The following MKS1 variants were observed in gnomAD, a reference collection of about 807,000 sequenced individuals.
MKS1 encodes tectonic-like complex member MKS1.
A neutral mutation model predicts 83.7 loss-of-function variants in MKS1; 70 were observed. That is an observed-to-expected ratio of 0.84 (90% CI 0.69 to 1.02). The LOEUF (loss-of-function observed/expected upper bound fraction) is 1.02. MKS1 is among the 50% of genes least tolerant of loss of function. The probability of loss-of-function intolerance (pLI) is 0.00; values close to 1 mark genes in which losing one functional copy is unlikely to be tolerated. For missense variants in MKS1, 681 were observed against 726.9 expected (o/e 0.94, Z 0.73); for synonymous variants, 251 against 273.4 (o/e 0.92, Z 0.81).
At chr17:58,213,961 G>A in intron 6 of MKS1, 92 bp from the exon 7 acceptor site, 6 of 1,135,616 alleles carry the variant, frequency 5.3e-6, no homozygotes, top group South Asian at 1.3e-5. Flanking sequence ...GAGAACAGAG[G>A]CTATAGGGAG....
At chr17:58,215,272 A>G (rs1969123120) in intron 4 of MKS1, among the ~76,000 whole-genome samples, 1 of 152,140 alleles carries the variant, frequency 6.6e-6, no homozygotes, top group African/African-American at 2.4e-5. Flanking sequence ...TATTTAATTT[A>G]TATATTTTTT....
At position 58,206,303 on chromosome 17, in the gene MKS1, C is replaced by T; in HGVS notation, c.1568G>A (p.Ser523Asn). The change falls in exon 17 of 18, where the codon AGT (serine) becomes AAT (asparagine). Residue 523 changes from serine to asparagine, a missense_variant. Ser to Asn is a conservative substitution (Grantham distance 46). This residue lies in a region of MKS1 where 310 missense variants were observed against 321.7 expected (regional missense o/e 0.96). Coordinates refer to ENST00000393119, the MANE Select transcript of MKS1 (RefSeq NM_017777.4). Reference protein sequence around the residue: ...LDRLEGFSQQSSIHNVLEAFR... With the variant: ...LDRLEGFSQQNSIHNVLEAFR... ...CATACCTAGCACATTGTGAATGGAACTCTGCTGGCTGAACCCTTCCAGACG... is the reference window on the plus strand; with the variant it reads ...CATACCTAGCACATTGTGAATGGAATTCTGCTGGCTGAACCCTTCCAGACG... 6.2e-7 allele frequency: 1 copy of T among 1,614,150 alleles called. No individual in the cohort carries two copies. Among genetic ancestry groups the T allele is most frequent in the Non-Finnish European group, 8.5e-7 (1 of 1,180,034 alleles).
intron 3 of MKS1, 65 bp from the exon 4 acceptor site, chr17:58,216,308 T>C (rs1288227012): frequency 1.3e-6 from 2 of 1,528,646 alleles, no homozygotes; most frequent in Non-Finnish European, 1.8e-6. Context: ...TTTGCTTCTG[T>C]AACTGTTTAA....
intron 17 of MKS1, 54 bp from the exon 18 acceptor site, chr17:58,206,224 C>G: frequency 1.9e-6 from 3 of 1,611,478 alleles, no homozygotes; most frequent in Non-Finnish European, 2.5e-6. Flanking sequence ...TCTCTCTGCA[C>G]TGCAGAGAGA....
Position 58,209,494 on chromosome 17 carries a change from G to T in MKS1, c.1025-911C>A, listed in dbSNP as rs376326073. Among the ~76,000 whole-genome samples the T allele has an allele frequency of 9.8e-5, 15 of 152,332 alleles. No homozygotes were observed. The highest frequency in any genetic ancestry group is 1.7e-4 in the African/African-American group (7 of 41,572). On this transcript the variant is annotated intron_variant, in intron 11 of 17. Coordinates refer to ENST00000393119, the MANE Select transcript of MKS1 (RefSeq NM_017777.4). The surrounding 1 kb of genome is among the most constrained non-coding windows in gnomAD (Gnocchi z 4.1). ...AACGGGGAAGGGACTGAGTGATTGG[G>T]AGGCTCATTTAGACTGGGTGGTAAG...
chr17:58,213,766 T>G lies in MKS1; in HGVS notation c.748A>C (p.Arg250=). The stretch of plus-strand genomic sequence containing the variant: ...CTACCCCTTTCTTCCTCTCCTCACC[T>G]GTAGGGTCCTTTGAGGCCCGTGAAG... The part of the protein sequence containing the change: ...PDFTGLKGPY[R]IETEGEKQEL... Residue 250 remains arginine, a splice_region_variant and synonymous_variant, in exon 7 of 18, where the codon AGG becomes CGG. Coordinates refer to ENST00000393119, the MANE Select transcript of MKS1 (RefSeq NM_017777.4). 1 of 1,611,160 alleles carries G rather than the reference T, an allele frequency of 6.2e-7. No individual in the cohort carries two copies. Among genetic ancestry groups the G allele is most frequent in the Non-Finnish European group, 8.5e-7 (1 of 1,177,302 alleles).
Position 58,218,610 on chromosome 17 carries a change from TAAC to T in MKS1, c.190+7_190+9del. 1 of 1,580,402 alleles carries T rather than the reference TAAC, an allele frequency of 6.3e-7. No homozygotes were observed. The highest frequency in any genetic ancestry group is 8.7e-7 in the Non-Finnish European group (1 of 1,149,528). On this transcript the variant is annotated splice_region_variant and intron_variant, in intron 2 of 17. Transcript: ENST00000393119. ...AGTATTAGATGGCACATCACCACCG[TAAC>T]ACCCACTGGCAGTTGGCTGAGGCCT...
chr17:58,206,224 C>T, intron 17 of MKS1, 54 bp from the exon 18 acceptor site: 2 of 1,611,486 alleles, frequency 1.2e-6, no homozygotes, highest in Non-Finnish European at 1.7e-6. Flanking sequence ...TCTCTCTGCA[C>T]TGCAGAGAGA....
chr17:58,214,729 GC>G lies in MKS1; in HGVS notation c.515+11del. 6.2e-7 allele frequency: 1 copy of G among 1,603,268 alleles called. No individual in the cohort carries two copies. ...AGTAAAAGCTTGTCCCCCATCCCAT[GC>G]CCGCACTCACATCCCTCGCCTGTCC... On this transcript the variant is annotated intron_variant, in intron 5 of 17. Transcript: ENST00000393119.
intron 14 of MKS1, 76 bp downstream of exon 14, chr17:58,207,818 A>G (rs1968611393): frequency 1.5e-6 from 2 of 1,334,720 alleles, no homozygotes; most frequent in Non-Finnish European, 2.1e-6. Flanking sequence ...ACCCCTCACC[A>G]GAAGCATTCG....
intron 11 of MKS1, among the ~76,000 whole-genome samples, chr17:58,208,794 T>C (rs1218759935): frequency 6.6e-6 from 1 of 152,092 alleles, no homozygotes; most frequent in Non-Finnish European, 1.5e-5. Flanking sequence ...CTGGTTCTCC[T>C]AGGCAGAGGT....
At position 58,216,093 on chromosome 17, in the gene MKS1, C is replaced by A; in HGVS notation, c.412G>T (p.Glu138Ter). 1 of 1,614,190 alleles carries A rather than the reference C, an allele frequency of 6.2e-7. No individual in the cohort carries two copies. The highest frequency in any genetic ancestry group is 8.5e-7 in the Non-Finnish European group (1 of 1,180,030). The change falls in exon 4 of 18, where the codon GAG becomes TAG. Residue 138 changes from glutamate (E) to a stop codon, truncating the protein, a stop_gained. Transcript: ENST00000393119. LOFTEE classifies it high-confidence loss of function. The stretch of plus-strand genomic sequence containing the variant: ...GACCCTAGAAAGAACAATACCTCCT[C>A]CAAATTGGTGTATCTATCAGAGTCA... Reference protein sequence around the residue: ...YTDSDRYTNLEEHCQRMTTAA... With the variant: ...YTDSDRYTNL
intron 10 of MKS1, 120 bp from the exon 11 acceptor site, chr17:58,210,844 C>T (rs936343815): frequency 1.7e-5 from 24 of 1,433,414 alleles, no homozygotes; most frequent in East Asian, 9.1e-5. Flanking sequence ...GAACCCTCTG[C>T]GTTTCCAGGA....
chr17:58,210,983 C>T lies in MKS1; in HGVS notation c.955G>A (p.Val319Ile), dbSNP rs1393510784. 4.3e-6 allele frequency: 7 copies of T among 1,613,990 alleles called. No individual in the cohort carries two copies. Among genetic ancestry groups the T allele is most frequent in the Non-Finnish European group, 5.9e-6 (7 of 1,179,910 alleles). ...GALRLFVNGEVVSAQGYEYDN... is the reference protein window; with the variant it reads ...GALRLFVNGEIVSAQGYEYDN... ...TCTATGCTAGCAAGACACTTACCGA[C>T]CTCTCCATTTACAAAGAGCCGGAGG... is the stretch of plus-strand genomic sequence containing the variant. Residue 319 changes from valine (V) to isoleucine (I), a missense_variant, in exon 10 of 18, where the codon GTC (valine) becomes ATC (isoleucine). Around this residue, in one of 3 missense-constraint regions of MKS1, gnomAD observed 310 missense variants for 321.7 expected, o/e 0.96. Coordinates refer to ENST00000393119, the MANE Select transcript of MKS1 (RefSeq NM_017777.4).
intron 2 of MKS1, among the ~76,000 whole-genome samples, chr17:58,217,513 A>G (rs1403778039): frequency 6.6e-6 from 1 of 152,248 alleles, no homozygotes; most frequent in Non-Finnish European, 1.5e-5. Context: ...TGATTTTTTA[A>G]CAGAACCAAA....
At position 58,208,184 on chromosome 17, in the gene MKS1, G is replaced by C. The variant is rs766137727; in HGVS notation, c.1096-10C>G. On this transcript the variant is annotated splice_polypyrimidine_tract_variant and intron_variant, in intron 12 of 17. Coordinates refer to ENST00000393119, the MANE Select transcript of MKS1 (RefSeq NM_017777.4). ...AGTGAGCCACCTTGTCCTATAAAAA[G>C]GAGTGTCATAGGGTGGGCAAGGCCT... 3.1e-6 allele frequency: 5 copies of C among 1,607,490 alleles called. No homozygotes were observed. The highest frequency in any genetic ancestry group is 4.3e-6 in the Non-Finnish European group (5 of 1,174,108).
chr17:58,212,354 G>A (rs1375000646), intron 9 of MKS1, 24 bp downstream of exon 9: 3 of 1,607,184 alleles, frequency 1.9e-6, no homozygotes, highest in African/African-American at 1.3e-5. Flanking sequence ...AGCTCACAGT[G>A]CTGCAGGAAG....
rs573940561 is a variant in MKS1, at chr17:58,219,231, G to C, written c.-1C>G. On this transcript the variant is annotated 5_prime_UTR_variant, in exon 1 of 18. Coordinates refer to ENST00000393119, the MANE Select transcript of MKS1 (RefSeq NM_017777.4). ...CAGTGCTCCAGACGGTCTCCGCCAT[G>C]ACAGCTGCGACGCGCCGCGACTGCG... is the stretch of plus-strand genomic sequence containing the variant. 5.2e-6 allele frequency: 8 copies of C among 1,550,592 alleles called. No homozygotes were observed. Among genetic ancestry groups the C allele is most frequent in the Middle Eastern group, 1.7e-4 (1 of 5,916 alleles).
At chr17:58,211,118 T>A in intron 9 of MKS1, 96 bp from the exon 10 acceptor site, 2 of 1,259,962 alleles carry the variant, frequency 1.6e-6, no homozygotes, top group Non-Finnish European at 2.3e-6. Flanking sequence ...GACCTGCCAC[T>A]AGGGGTCAGG....
Sources: gnomAD v4.1 joint callset for allele counts (sites outside exome capture counted in the v4.1 genomes callset) on GRCh38, gnomAD v4.1.1 for gene constraint, gnomAD v4.1.1 regional missense constraint, Gnocchi (gnomAD v3.1) non-coding constraint, MANE v1.5 for transcripts, NCBI Gene and HGNC (gene_info 2026-07-23, HGNC 2026-07-21) for gene names.